The following MTM1 variants were observed in gnomAD, a reference collection of about 807,000 sequenced individuals.
MTM1 encodes the protein myotubularin.
A neutral mutation model predicts 52.1 loss-of-function variants in MTM1; 9 were observed. That is an observed-to-expected ratio of 0.17 (90% confidence interval 0.10 to 0.30). The LOEUF (loss-of-function observed/expected upper bound fraction) is 0.30. Among genes scored for constraint, MTM1 ranks in the 10% least tolerant of loss-of-function variants. The probability of loss-of-function intolerance (pLI) is 1.00; values close to 1 mark genes in which losing one functional copy is unlikely to be tolerated. For synonymous variants in MTM1, 136 were observed against 163.8 expected (o/e 0.83, Z 1.29); for missense variants, 277 against 470.7 (o/e 0.59, Z 3.81).
chrX:150,612,650 G>T (rs2039304748), intron 4 of MTM1, among the ~76,000 whole-genome samples: 1 of 111,422 alleles, frequency 9.0e-6, no homozygotes, highest in Non-Finnish European at 1.9e-5. Flanking sequence ...TTTGCGACCA[G>T]CCTGGACAAC....
At position 150,652,541 on chromosome X, in the gene MTM1, T is replaced by TA. The variant is rs1381062787; in HGVS notation, c.1053+2649dup. Among the ~76,000 whole-genome samples the TA allele has an allele frequency of 3.3e-3, 332 of 100,836 alleles. 1 individual carries two copies. The highest frequency in any genetic ancestry group is 5.1e-3 in the Non-Finnish European group (257 of 50,011). 87.6% of individuals were successfully genotyped at this position (100,836 alleles called of 115,157 possible). On this transcript the variant is annotated intron_variant, in intron 10 of 14. Coordinates refer to ENST00000370396, the MANE Select transcript of MTM1 (RefSeq NM_000252.3). ...GTGACAGAACAAGGCCCCATCTCTT[T>TA]AAAAAAAAAGTGGAAAAGCATTGGA...
chrX:150,586,684 T>G (rs1306851813), intron 1 of MTM1, among the ~76,000 whole-genome samples: 1 of 110,938 alleles, frequency 9.0e-6, no homozygotes, highest in African/African-American at 3.3e-5. Flanking sequence ...GAGGCCGATG[T>G]GGGCGGATCA....
chrX:150,638,904 C>T (rs782006869), intron 6 of MTM1, 39 bp from the exon 7 acceptor site: 2 of 980,454 alleles, frequency 2.0e-6, no homozygotes, highest in Admixed American at 4.4e-5. Flanking sequence ...GTAGACTGTT[C>T]CTTCACGCTG....
intron 14 of MTM1, among the ~76,000 whole-genome samples, chrX:150,665,561 A>C: frequency 8.9e-6 from 1 of 112,872 alleles, no homozygotes; most frequent in South Asian, 3.6e-4. Flanking sequence ...ATTGTTATTC[A>C]GTTGTGTGAG....
At chrX:150,579,213 C>A (rs782103544) in intron 1 of MTM1, among the ~76,000 whole-genome samples, 14 of 110,532 alleles carry the variant, frequency 1.3e-4, no homozygotes, top group Admixed American at 1.9e-4. Context: ...CGCCACCACA[C>A]CCAGCTAATT....
chrX:150,621,453 AGTT>A (rs1879592768), intron 6 of MTM1, among the ~76,000 whole-genome samples: 1 of 111,126 alleles, frequency 9.0e-6, no homozygotes, highest in Non-Finnish European at 1.9e-5. Flanking sequence ...CAATGCTGCC[AGTT>A]GTTGTTTGTT....
chrX:150,656,494 C>T (rs1301517398), intron 10 of MTM1, among the ~76,000 whole-genome samples: 2 of 111,927 alleles, frequency 1.8e-5, no homozygotes, highest in African/African-American at 6.5e-5. Context: ...AACTGTGAGA[C>T]AATATATTTT....
intron 3 of MTM1, 92 bp downstream of exon 3, chrX:150,596,662 G>T (rs2038982281): frequency 1.4e-6 from 1 of 701,637 alleles, no homozygotes; most frequent in East Asian, 3.3e-5. Context: ...TAGCAGTCAG[G>T]CTTAGACAAA....
chrX:150,639,603 A>G (rs2039814674), intron 7 of MTM1, among the ~76,000 whole-genome samples: 2 of 112,170 alleles, frequency 1.8e-5, no homozygotes, highest in Admixed American at 1.9e-4. Flanking sequence ...GCTTGGTCTC[A>G]TATTGCTGTT....
At chrX:150,624,035 C>G (rs962236138) in intron 6 of MTM1, among the ~76,000 whole-genome samples, 21 of 110,927 alleles carry the variant, frequency 1.9e-4, no homozygotes, top group African/African-American at 6.6e-4. Context: ...TCATTTCAGA[C>G]CACCCCTTTG....
chrX:150,569,648 G>C (rs370241247), intron 1 of MTM1, among the ~76,000 whole-genome samples: 3 of 111,607 alleles, frequency 2.7e-5, no homozygotes, highest in South Asian at 7.7e-4. Flanking sequence ...CAGCTCTTTG[G>C]GGGTATCTTG....
At chrX:150,636,031 C>G (rs1164094430) in intron 6 of MTM1, among the ~76,000 whole-genome samples, 1 of 111,877 alleles carries the variant, frequency 8.9e-6, no homozygotes, top group Non-Finnish European at 1.9e-5. Context: ...CCTGAAATAT[C>G]TGGGGTCCAA....
chrX:150,573,244 G>A (rs782530045), intron 1 of MTM1, among the ~76,000 whole-genome samples: 12 of 112,457 alleles, frequency 1.1e-4, no homozygotes, highest in Non-Finnish European at 1.7e-4. Context: ...CTTTCTTGCC[G>A]TGGTCAAACA....
At chrX:150,568,191 G>A (rs1389612627), upstream of MTM1, among the ~76,000 whole-genome samples, 1 of 112,501 alleles carries the variant, frequency 8.9e-6, no homozygotes, top group African/African-American at 3.2e-5. Context: ...AGTGGCATCC[G>A]CTAAAGTCTT....
At chrX:150,649,150 A>G (rs989964707) in intron 9 of MTM1, among the ~76,000 whole-genome samples, 1 of 112,301 alleles carries the variant, frequency 8.9e-6, no homozygotes, top group African/African-American at 3.2e-5. Context: ...ATTATCCCCT[A>G]TTTTACAGGA....
intron 1 of MTM1, among the ~76,000 whole-genome samples, chrX:150,577,744 T>C (rs2038498001): frequency 8.9e-6 from 1 of 112,597 alleles, no homozygotes. Context: ...TTCTTAACTG[T>C]GCCTGTGCAA....
chrX:150,587,050 C>T (rs2038802547), intron 1 of MTM1, among the ~76,000 whole-genome samples: 1 of 111,006 alleles, frequency 9.0e-6, no homozygotes, highest in African/African-American at 3.3e-5. Context: ...GCGTCACACC[C>T]ATTTTACAGA....
intron 10 of MTM1, among the ~76,000 whole-genome samples, chrX:150,655,092 G>A (rs1219734504): frequency 9.0e-6 from 1 of 110,654 alleles, no homozygotes; most frequent in Admixed American, 9.7e-5. Context: ...TTGGGAGGCC[G>A]AGGCGGGAGG....
chrX:150,592,471 G>A, intron 1 of MTM1, 134 bp from the exon 2 acceptor site: 1 of 507,969 alleles, frequency 2.0e-6, no homozygotes, highest in South Asian at 2.7e-5. Context: ...TATTACCACT[G>A]GGGCCTAGTA....
Sources: allele counts gnomAD v4.1 joint callset (sites outside exome capture counted in the v4.1 genomes callset), GRCh38; gene constraint gnomAD v4.1.1; transcripts MANE v1.5; gene names NCBI Gene and HGNC (gene_info 2026-07-23, HGNC 2026-07-21).